The following CNIH3 variants were observed in gnomAD, a reference collection of about 807,000 sequenced individuals.
The protein encoded by CNIH3 is protein cornichon homolog 3.
CNIH3 carries 14 observed loss-of-function variants against 24.1 expected under a neutral mutation model. That is an observed-to-expected ratio of 0.58 (90% CI 0.38 to 0.91). The LOEUF is 0.91. CNIH3 is among the 40% of genes least tolerant of loss of function. The pLI is 0.00. For synonymous variants in CNIH3, 68 were observed against 73.8 expected, an observed-to-expected ratio of 0.92 and a Z score of 0.40; for missense variants, 178 against 196.8, an observed-to-expected ratio of 0.90 and a Z score of 0.57.
intron 1 of CNIH3, among the ~76,000 whole-genome samples, chr1:224,617,937 G>C (rs560774922): frequency 6.6e-6 from 1 of 152,290 alleles, no homozygotes; most frequent in South Asian, 2.1e-4. Flanking sequence ...GGCGTCTGAA[G>C]TCCGACTCCT....
At chr1:224,639,755 C>T (rs1378294368) in intron 1 of CNIH3, among the ~76,000 whole-genome samples, 4 of 152,170 alleles carry the variant, frequency 2.6e-5, no homozygotes, top group African/African-American at 9.7e-5. Flanking sequence ...GAAATCATGC[C>T]ACAGGCCAGA....
intron 3 of CNIH3, among the ~76,000 whole-genome samples, chr1:224,728,114 G>A (rs1481504339): frequency 6.6e-6 from 1 of 151,598 alleles, no homozygotes; most frequent in East Asian, 1.9e-4. Flanking sequence ...ATTGGAGATG[G>A]AGATGGAGAA....
chr1:224,538,694 G>A (rs991287840), downstream of CNIH3, among the ~76,000 whole-genome samples: 5 of 148,630 alleles, frequency 3.4e-5, no homozygotes, highest in Non-Finnish European at 7.4e-5. Flanking sequence ...AGGGTCTTGC[G>A]TGTTGCCCAG....
chr1:224,667,816 A>T (rs1685668767), intron 1 of CNIH3, among the ~76,000 whole-genome samples: 1 of 151,904 alleles, frequency 6.6e-6, no homozygotes, highest in African/African-American at 2.4e-5. Flanking sequence ...AGAAATTGGC[A>T]TACCAATCCC....
chr1:224,534,804 T>C (rs544779676), intron 2 of CNIH3, among the ~76,000 whole-genome samples: 1 of 152,288 alleles, frequency 6.6e-6, no homozygotes, highest in Non-Finnish European at 1.5e-5. Context: ...TTCCTCACCT[T>C]TTCACAGCCG....
At chr1:224,693,621 GAGA>G (rs1687032329) in intron 3 of CNIH3, among the ~76,000 whole-genome samples, 1 of 152,208 alleles carries the variant, frequency 6.6e-6, no homozygotes, top group Admixed American at 6.5e-5. Context: ...AGAGAAGCAA[GAGA>G]AGAAGTGGAA....
chr1:224,512,772 G>A (rs144498674), upstream of CNIH3, among the ~76,000 whole-genome samples: 480 of 152,056 alleles, frequency 3.2e-3, 3 homozygotes, highest in Middle Eastern at 0.034. Flanking sequence ...TCATGGGTAC[G>A]TGCCCTCCCT....
chr1:224,591,497 A>G (rs1007487534), downstream of CNIH3, among the ~76,000 whole-genome samples: 1 of 152,228 alleles, frequency 6.6e-6, no homozygotes, highest in Non-Finnish European at 1.5e-5. Context: ...GCCCATTTAC[A>G]TGATAAAGAG....
At chr1:224,507,009 G>A (rs1677947948) in intron 1 of CNIH3, among the ~76,000 whole-genome samples, 1 of 152,068 alleles carries the variant, frequency 6.6e-6, no homozygotes, top group African/African-American at 2.4e-5. Flanking sequence ...GACCACAGGT[G>A]TGAGCCACCA....
At chr1:224,462,355 A>G (rs1161003597) in intron 1 of CNIH3, among the ~76,000 whole-genome samples, 2 of 152,002 alleles carry the variant, frequency 1.3e-5, no homozygotes, top group Non-Finnish European at 2.9e-5. Context: ...TTGTTTTTTG[A>G]AACAGTCTTG....
chr1:224,611,610 A>G (rs1287144006), upstream of CNIH3: 1 of 152,190 alleles, frequency 6.6e-6, no homozygotes. Flanking sequence ...TCAGGCAAAA[A>G]GAAATATTAT....
At chr1:224,711,698 G>A (rs1167940583) in intron 3 of CNIH3, among the ~76,000 whole-genome samples, 1 of 151,004 alleles carries the variant, frequency 6.6e-6, no homozygotes, top group East Asian at 2.0e-4. Context: ...AGGAGGCTGA[G>A]GTGGGAGGAT....
intron 3 of CNIH3, among the ~76,000 whole-genome samples, chr1:224,723,942 A>G (rs145253566): frequency 0.01 from 1,531 of 152,324 alleles, 13 homozygotes; most frequent in Non-Finnish European, 0.013. Flanking sequence ...AGGACCAGAC[A>G]TGATGGTTCA....
At chr1:224,661,399 G>T in intron 1 of CNIH3, 1 of 261,064 alleles carries the variant, frequency 3.8e-6, no homozygotes, top group East Asian at 1.1e-4. Context: ...CTAGTGACGA[G>T]AATGAAGTAA....
intron 1 of CNIH3, among the ~76,000 whole-genome samples, chr1:224,663,511 T>G (rs1685458045): frequency 6.6e-6 from 1 of 152,098 alleles, no homozygotes; most frequent in Non-Finnish European, 1.5e-5. Context: ...TTCCCAAAAT[T>G]GAGAGGAGCA....
At position 224,739,295 on chromosome 1, in the gene CNIH3, CTTTTTTTTTTTTTT is replaced by C. The variant is rs11342205; in HGVS notation, c.456-22_456-9del. 68 of 1,342,516 alleles carry C rather than the reference CTTTTTTTTTTTTTT, an allele frequency of 5.1e-5. No individual in the cohort carries two copies. Among genetic ancestry groups the C allele is most frequent in the African/African-American group, 4.3e-4 (17 of 39,724 alleles). 83.2% of individuals were successfully genotyped at this position (1,342,516 alleles called of 1,614,324 possible). On this transcript the variant is annotated intron_variant, in intron 5 of 5. Coordinates refer to ENST00000272133, the MANE Select transcript of CNIH3 (RefSeq NM_152495.2). ...TGGGCTTCTACTAACACCTTCCTCT[CTTTTTTTTTTTTTT>C]TTTTTTTTTTTGCATTCAGCATGAT...
At chr1:224,447,729 C>T (rs1031858496) in intron 1 of CNIH3, among the ~76,000 whole-genome samples, 3 of 152,194 alleles carry the variant, frequency 2.0e-5, no homozygotes, top group Non-Finnish European at 2.9e-5. Context: ...GAGGTGTCCC[C>T]ATGGCCAGTA....
intron 1 of CNIH3, among the ~76,000 whole-genome samples, chr1:224,447,408 T>G: frequency 6.6e-6 from 1 of 152,158 alleles, no homozygotes; most frequent in South Asian, 2.1e-4. Context: ...CCTTTTTTTG[T>G]TCTATCTGGG....
chr1:224,545,847 A>G (rs1679683514), intron 2 of CNIH3, among the ~76,000 whole-genome samples: 1 of 152,120 alleles, frequency 6.6e-6, no homozygotes, highest in African/African-American at 2.4e-5. Context: ...ACACAATACC[A>G]CGGACTGGGT....
Sources: allele counts gnomAD v4.1 joint callset (sites outside exome capture counted in the v4.1 genomes callset), GRCh38; gene constraint gnomAD v4.1.1; transcripts MANE v1.5; gene names NCBI Gene and HGNC (gene_info 2026-07-23, HGNC 2026-07-21).